Variants in FSTL5 observed in about 807,000 individuals in gnomAD.
The protein encoded by FSTL5 is follistatin-related protein 5.
FSTL5 carries 62 observed loss-of-function variants against 89.1 expected under a neutral mutation model. The observed-to-expected ratio is 0.70, with a 90% CI of 0.57 to 0.86. The LOEUF (loss-of-function observed/expected upper bound fraction) is 0.86. Ranked by LOEUF, FSTL5 falls within the 40% of genes least tolerant of loss-of-function variation. FSTL5 has a pLI of 0.00. For synonymous variants in FSTL5, 383 were observed against 346.2 expected (o/e 1.11, Z -1.18); for missense variants, 1,057 against 1,001.6 (o/e 1.06, Z -0.75).
At chr4:162,132,850 T>TA (rs1257479997) in intron 1 of FSTL5, among the ~76,000 whole-genome samples, 8 of 152,340 alleles carry the variant, frequency 5.3e-5, no homozygotes, top group South Asian at 2.1e-4. Flanking sequence ...AACTCTCACA[T>TA]GGTATTAGGT....
At chr4:162,097,231 G>T (rs1360945148) in intron 2 of FSTL5, among the ~76,000 whole-genome samples, 1 of 151,536 alleles carries the variant, frequency 6.6e-6, no homozygotes, top group Non-Finnish European at 1.5e-5. Flanking sequence ...TATCCTTAGT[G>T]TCTGATAAAT....
At chr4:161,801,137 TA>T (rs1232755823) in intron 4 of FSTL5, among the ~76,000 whole-genome samples, 2 of 151,576 alleles carry the variant, frequency 1.3e-5, no homozygotes, top group Non-Finnish European at 3.0e-5. Flanking sequence ...ATCTCAGTCT[TA>T]AAAAATACTG....
At chr4:162,017,610 C>T (rs756051988) in intron 3 of FSTL5, among the ~76,000 whole-genome samples, 1 of 152,104 alleles carries the variant, frequency 6.6e-6, no homozygotes. Context: ...CATTTTCTGG[C>T]TTTCACGTTG....
chr4:161,479,032 G>T (rs934755477), intron 13 of FSTL5, among the ~76,000 whole-genome samples: 1 of 151,962 alleles, frequency 6.6e-6, no homozygotes, highest in Non-Finnish European at 1.5e-5. Context: ...CTTCAAATAG[G>T]TAGTATCTAG....
Position 161,920,505 on chromosome 4 carries a change from G to T in FSTL5, c.308C>A (p.Ser103Tyr), listed in dbSNP as rs773942489. The T allele has an allele frequency of 6.1e-5, 99 of 1,613,860 alleles. No homozygotes were observed. The highest frequency in any genetic ancestry group is 7.7e-5 in the Non-Finnish European group (91 of 1,179,974). Reference sequence around the variant, plus strand: ...GTGGTTTTCATAGAATTCTCCGTCAGATCCACACACAGGTTTGTAGTGACG... The same window carrying T: ...GTGGTTTTCATAGAATTCTCCGTCATATCCACACACAGGTTTGTAGTGACG... ...CKRHYKPVCG[S>Y]DGEFYENHCE... is the part of the protein sequence containing the mutation. Residue 103 changes from serine to tyrosine, a missense_variant, in exon 4 of 16, where the codon TCT (serine) becomes TAT (tyrosine). By Grantham distance (144) the Ser-to-Tyr change is moderately radical. Around this residue, in one of 3 missense-constraint regions of FSTL5, gnomAD observed 980 missense variants for 903.2 expected, o/e 1.08. Coordinates refer to ENST00000306100, the MANE Select transcript of FSTL5 (RefSeq NM_020116.5).
intron 2 of FSTL5, among the ~76,000 whole-genome samples, chr4:162,053,256 T>A (rs1234346689): frequency 6.6e-6 from 1 of 151,806 alleles, no homozygotes; most frequent in Admixed American, 6.6e-5. Flanking sequence ...ATTTTCTGAG[T>A]GTTTTTCAGA....
At chr4:161,867,067 G>C (rs1732114934) in intron 4 of FSTL5, among the ~76,000 whole-genome samples, 1 of 151,876 alleles carries the variant, frequency 6.6e-6, no homozygotes, top group South Asian at 2.1e-4. Context: ...CAAAGATAAA[G>C]GAAAATAGAA....
chr4:161,992,201 A>T (rs1223899305), intron 3 of FSTL5, among the ~76,000 whole-genome samples: 2 of 152,222 alleles, frequency 1.3e-5, no homozygotes, highest in Non-Finnish European at 2.9e-5. Flanking sequence ...GTTTGAGCAG[A>T]GGAATGACTT....
At chr4:161,858,471 G>A (rs564233326) in intron 4 of FSTL5, among the ~76,000 whole-genome samples, 3 of 152,232 alleles carry the variant, frequency 2.0e-5, no homozygotes, top group African/African-American at 7.2e-5. Context: ...GTGAGCAAAA[G>A]CAGGCATGAT....
chr4:162,061,062 G>A (rs1377638937), intron 2 of FSTL5, among the ~76,000 whole-genome samples: 1 of 152,018 alleles, frequency 6.6e-6, no homozygotes, highest in Admixed American at 6.6e-5. Context: ...GTATTAAAAT[G>A]TATATTTAAC....
chr4:161,917,511 A>G (rs764053848), intron 4 of FSTL5, among the ~76,000 whole-genome samples: 1 of 152,128 alleles, frequency 6.6e-6, no homozygotes, highest in Non-Finnish European at 1.5e-5. Context: ...TTATAGCACA[A>G]TATCCTAACC....
chr4:161,752,780 G>A (rs192808261), intron 6 of FSTL5, among the ~76,000 whole-genome samples: 2 of 152,220 alleles, frequency 1.3e-5, no homozygotes, highest in African/African-American at 4.8e-5. Context: ...ACTATATTTG[G>A]AGATAGGGCC....
intron 15 of FSTL5, among the ~76,000 whole-genome samples, chr4:161,424,408 G>C (rs558200148): frequency 1.4e-5 from 2 of 142,510 alleles, no homozygotes; most frequent in Non-Finnish European, 3.1e-5. Context: ...AAGGCAACTA[G>C]TTTTTTTTTT....
intron 3 of FSTL5, among the ~76,000 whole-genome samples, chr4:161,966,579 T>C (rs1483080763): frequency 1.3e-5 from 2 of 152,074 alleles, no homozygotes; most frequent in African/African-American, 4.8e-5. Context: ...TATGAGAATA[T>C]ATTTGAACAC....
chr4:161,818,238 C>T (rs1730387964), intron 4 of FSTL5, among the ~76,000 whole-genome samples: 1 of 152,152 alleles, frequency 6.6e-6, no homozygotes, highest in Admixed American at 6.5e-5. Context: ...CAGAGGAGAG[C>T]CCAGGCCGCT....
At chr4:161,921,566 C>A (rs1282937524) in intron 3 of FSTL5, among the ~76,000 whole-genome samples, 1 of 152,026 alleles carries the variant, frequency 6.6e-6, no homozygotes, top group Non-Finnish European at 1.5e-5. Flanking sequence ...TATTTAGCAT[C>A]AATGACACTT....
chr4:161,972,184 C>G (rs1191091478), intron 3 of FSTL5, among the ~76,000 whole-genome samples: 1 of 152,008 alleles, frequency 6.6e-6, no homozygotes, highest in Non-Finnish European at 1.5e-5. Context: ...CCTCCGCTTC[C>G]CCATTCAAGT....
chr4:161,935,051 A>G (rs1048709130), intron 3 of FSTL5, among the ~76,000 whole-genome samples: 1 of 152,172 alleles, frequency 6.6e-6, no homozygotes, highest in African/African-American at 2.4e-5. Flanking sequence ...CCAGCAATTT[A>G]CTTTTAAATC....
chr4:161,578,078 C>T (rs1021902451), intron 8 of FSTL5, among the ~76,000 whole-genome samples: 10 of 151,854 alleles, frequency 6.6e-5, no homozygotes, highest in Non-Finnish European at 1.5e-4. Context: ...GCATTCAATA[C>T]ACAAATTAAC....
Sources: allele counts gnomAD v4.1 joint callset (sites outside exome capture counted in the v4.1 genomes callset), GRCh38; gene constraint gnomAD v4.1.1; regional missense constraint gnomAD v4.1.1; transcripts MANE v1.5; gene names NCBI Gene and HGNC (gene_info 2026-07-23, HGNC 2026-07-21).